Variants in PTPRD observed in about 807,000 individuals in gnomAD.
The protein encoded by PTPRD is receptor-type tyrosine-protein phosphatase delta.
PTPRD carries 34 observed loss-of-function variants against 214.5 expected under a neutral mutation model. That is an observed-to-expected ratio of 0.16 (90% confidence interval 0.12 to 0.21). The LOEUF (loss-of-function observed/expected upper bound fraction) is 0.21, where lower values mean the gene tolerates loss of function less well. PTPRD is among the 10% of genes least tolerant of loss of function. The pLI is 1.00. For missense variants in PTPRD, 2,545 were observed against 2,398.7 expected (o/e 1.06, Z -1.27); for synonymous variants, 1,128 against 845.7 (o/e 1.33, Z -5.79).
chr9:9,841,317 T>C (rs115493568), intron 5 of PTPRD, among the ~76,000 whole-genome samples: 203 of 152,258 alleles, frequency 1.3e-3, no homozygotes, highest in African/African-American at 4.8e-3. Flanking sequence ...TCACTGAGTC[T>C]TGCGTTTATT....
chr9:10,218,096 A>G (rs531215287), intron 3 of PTPRD, among the ~76,000 whole-genome samples: 5 of 152,072 alleles, frequency 3.3e-5, no homozygotes, highest in African/African-American at 7.2e-5. Flanking sequence ...GCCAGAAACT[A>G]TTAGATTTTT....
At chr9:9,225,654 G>A (rs148723347) in intron 9 of PTPRD, among the ~76,000 whole-genome samples, 1 of 151,962 alleles carries the variant, frequency 6.6e-6, no homozygotes, top group Admixed American at 6.6e-5. Context: ...TCTTTTTCAT[G>A]TAAAGGATAG....
intron 14 of PTPRD, among the ~76,000 whole-genome samples, chr9:8,530,280 G>A (rs1362646525): frequency 1.3e-5 from 2 of 151,918 alleles, no homozygotes; most frequent in African/African-American, 4.8e-5. Flanking sequence ...TTTTCAATCA[G>A]GTCTCATTTT....
intron 3 of PTPRD, among the ~76,000 whole-genome samples, chr9:10,290,973 A>G (rs141605292): frequency 6.6e-6 from 1 of 152,158 alleles, no homozygotes; most frequent in African/African-American, 2.4e-5. Context: ...TGACCCATCT[A>G]ACAGTCTGAC....
At chr9:10,151,059 C>T (rs372793678) in intron 3 of PTPRD, among the ~76,000 whole-genome samples, 4 of 111,088 alleles carry the variant, frequency 3.6e-5, no homozygotes, top group African/African-American at 6.9e-5. Flanking sequence ...TTTTTGTTAA[C>T]TTTTTTTTTT....
At chr9:10,382,607 G>A (rs1047266718) in intron 2 of PTPRD, among the ~76,000 whole-genome samples, 1 of 151,800 alleles carries the variant, frequency 6.6e-6, no homozygotes, top group Non-Finnish European at 1.5e-5. Context: ...GACATATATT[G>A]AACAATGTTT....
chr9:8,921,332 C>T (rs1394669063), intron 11 of PTPRD, among the ~76,000 whole-genome samples: 1 of 152,186 alleles, frequency 6.6e-6, no homozygotes, highest in Admixed American at 6.5e-5. Flanking sequence ...CACACACAGA[C>T]ATACCTCACA....
intron 27 of PTPRD, among the ~76,000 whole-genome samples, chr9:8,489,299 G>T (rs756563329): frequency 6.6e-5 from 10 of 152,096 alleles, no homozygotes; most frequent in Non-Finnish European, 1.2e-4. Flanking sequence ...GGGACAGAAA[G>T]GCTTGTTGGC....
chr9:9,748,799 A>G (rs2098484181), intron 6 of PTPRD, among the ~76,000 whole-genome samples: 1 of 152,240 alleles, frequency 6.6e-6, no homozygotes, highest in Non-Finnish European at 1.5e-5. Flanking sequence ...TTGGAGATTT[A>G]TGTCAACCTC....
intron 14 of PTPRD, among the ~76,000 whole-genome samples, chr9:8,602,987 T>C (rs913177483): frequency 6.6e-6 from 1 of 152,200 alleles, no homozygotes; most frequent in Non-Finnish European, 1.5e-5. Context: ...CACTGGAAGA[T>C]GAAGAGATTC....
At chr9:9,257,009 G>T (rs754914008) in intron 9 of PTPRD, among the ~76,000 whole-genome samples, 3 of 151,874 alleles carry the variant, frequency 2.0e-5, no homozygotes, top group African/African-American at 4.8e-5. Flanking sequence ...ATTCTTTAAG[G>T]GTTGTTCCCT....
intron 36 of PTPRD, among the ~76,000 whole-genome samples, chr9:8,403,419 T>C (rs896506289): frequency 6.6e-6 from 1 of 152,240 alleles, no homozygotes; most frequent in African/African-American, 2.4e-5. Flanking sequence ...GAACATGGCA[T>C]GTGCCAAGGG....
intron 5 of PTPRD, 145 bp from the exon 6 acceptor site, chr9:9,766,996 ATG>A (rs981093111): frequency 2.2e-4 from 33 of 151,556 alleles, no homozygotes; most frequent in African/African-American, 7.5e-4. Context: ...TTTCAAAAAG[ATG>A]TCTTATCTTT....
intron 8 of PTPRD, among the ~76,000 whole-genome samples, chr9:9,548,615 T>C (rs2079420552): frequency 6.6e-6 from 1 of 151,788 alleles, no homozygotes; most frequent in Non-Finnish European, 1.5e-5. Context: ...GCCAGGCTGG[T>C]CTCAAAGAGA....
intron 14 of PTPRD, among the ~76,000 whole-genome samples, chr9:8,571,822 T>G (rs2091232721): frequency 6.6e-6 from 1 of 152,218 alleles, no homozygotes; most frequent in Admixed American, 6.6e-5. Context: ...AAATTGCCCA[T>G]TATCTCCAAG....
intron 2 of PTPRD, among the ~76,000 whole-genome samples, chr9:10,358,049 C>A (rs943961390): frequency 1.3e-5 from 2 of 152,068 alleles, no homozygotes; most frequent in Non-Finnish European, 2.9e-5. Flanking sequence ...GAGACAACCT[C>A]ATCAGAAGAC....
At chr9:8,498,754 G>T (rs943635968) in intron 25 of PTPRD, among the ~76,000 whole-genome samples, 1 of 152,052 alleles carries the variant, frequency 6.6e-6, no homozygotes, top group Non-Finnish European at 1.5e-5. Flanking sequence ...ATTTGACACA[G>T]CAAAGGTAAG....
Position 9,517,116 on chromosome 9 carries a change from A to G in PTPRD, c.-237+57616T>C, listed in dbSNP as rs1010389367. Reference sequence around the variant, plus strand: ...ATTAACACTAATTTTAAAAACATTAATTTATGCTAAATTATGCAACATTTA... The same window carrying G: ...ATTAACACTAATTTTAAAAACATTAGTTTATGCTAAATTATGCAACATTTA... On this transcript the variant is annotated intron_variant, in intron 8 of 45. Coordinates refer to ENST00000381196, the MANE Select transcript of PTPRD (RefSeq NM_002839.4). 7.9e-5 allele frequency among the ~76,000 whole-genome samples: 12 copies of G among 152,216 alleles called. No individual in the cohort carries two copies. The East Asian group carries it at 2.3e-3, about 29-fold the overall frequency.
chr9:10,568,950 C>T (rs971199299), intron 2 of PTPRD, among the ~76,000 whole-genome samples: 19 of 152,060 alleles, frequency 1.2e-4, no homozygotes, highest in Non-Finnish European at 2.5e-4. Flanking sequence ...AGAGCTTCTG[C>T]ACAGCAAAAG....
Sources: gnomAD v4.1 joint callset for allele counts (sites outside exome capture counted in the v4.1 genomes callset) on GRCh38, gnomAD v4.1.1 for gene constraint, MANE v1.5 for transcripts, NCBI Gene and HGNC (gene_info 2026-07-23, HGNC 2026-07-21) for gene names.